ZNF341: variants seen among roughly 807,000 people sequenced by gnomAD.
The protein encoded by ZNF341 is zinc finger protein 341.
ZNF341 carries 52 observed loss-of-function variants against 87.7 expected under a neutral mutation model. The ratio of observed to expected loss-of-function variants is 0.59; its 90% CI spans 0.47 to 0.75. ZNF341 has a LOEUF of 0.75. ZNF341 is among the 30% of genes least tolerant of loss of function. The probability of loss-of-function intolerance (pLI) is 0.00; values close to 1 mark genes in which losing one functional copy is unlikely to be tolerated. For synonymous variants in ZNF341, 459 were observed against 472.7 expected (o/e 0.97, Z 0.38); for missense variants, 977 against 1,145.9 (o/e 0.85, Z 2.13).
chr20:33,781,243 T>C (rs749154429), intron 10 of ZNF341, 48 bp from the exon 11 acceptor site: 1 of 1,500,238 alleles, frequency 6.7e-7, no homozygotes. Flanking sequence ...CGCTGCTTCC[T>C]ATGCCTGCTG....
intron 9 of ZNF341, among the ~76,000 whole-genome samples, chr20:33,768,582 C>T (rs947085389): frequency 6.6e-6 from 1 of 151,886 alleles, no homozygotes; most frequent in African/African-American, 2.4e-5. Flanking sequence ...ACCACTACAC[C>T]TGGCTAATTT....
rs189685452 is a variant in ZNF341, at chr20:33,746,119, C to T, written c.339+820C>T. Among the ~76,000 whole-genome samples the T allele has an allele frequency of 3.4e-3, 514 of 149,000 alleles. 4 individuals are homozygous for T. Among genetic ancestry groups the T allele is most frequent in the African/African-American group, 9.4e-3 (379 of 40,422 alleles). On this transcript the variant is annotated intron_variant, in intron 3 of 14. Coordinates refer to ENST00000375200, the MANE Select transcript of ZNF341 (RefSeq NM_001282933.2). ...CTGATTTTTGTATTTTTAGTAGAGA[C>T]GGGGTTTCACCATGTTAGCCAGGAT...
At chr20:33,774,117 T>TAAAAAAAAAAAAAAA (rs60445142) in intron 10 of ZNF341, among the ~76,000 whole-genome samples, 1 of 100,092 alleles carries the variant, frequency 1.0e-5, no homozygotes, top group Non-Finnish European at 1.9e-5. Context: ...CTGTCTCTAC[T>TAAAAAAAAAAAAAAA]AAAAAAAAAA....
chr20:33,789,920 A>G (rs992945015), intron 14 of ZNF341, among the ~76,000 whole-genome samples: 1 of 152,034 alleles, frequency 6.6e-6, no homozygotes, highest in African/African-American at 2.4e-5. Flanking sequence ...CATGGCCAGG[A>G]AGCTTCTTTG....
intron 1 of ZNF341, among the ~76,000 whole-genome samples, chr20:33,738,886 G>T (rs1017456353): frequency 6.6e-6 from 1 of 152,230 alleles, no homozygotes; most frequent in Admixed American, 6.5e-5. Context: ...CGCTGGCAGC[G>T]TCAGGAGGGA....
Position 33,788,858 on chromosome 20 carries a change from T to C in ZNF341, c.1853-5T>C, listed in dbSNP as rs200199641. 1.4e-4 allele frequency: 230 copies of C among 1,613,306 alleles called. 2 individuals are homozygous for C. The East Asian group carries it at 3.8e-3, about 26-fold the overall frequency. ...GCTGGCTCTCCCTGTCTGTGTCTGC[T>C]GCAGGTGAGAAGCCCTACAAATGCT... is the stretch of plus-strand genomic sequence containing the variant. On this transcript the variant is annotated splice_region_variant and splice_polypyrimidine_tract_variant and intron_variant, in intron 12 of 14. Coordinates refer to ENST00000375200, the MANE Select transcript of ZNF341 (RefSeq NM_001282933.2).
Position 33,749,056 on chromosome 20 carries a change from G to GC in ZNF341, c.479dup (p.Pro161ThrfsTer134). 1 of 1,613,718 alleles carries GC rather than the reference G, an allele frequency of 6.2e-7. No individual in the cohort carries two copies. On this transcript the variant is annotated frameshift_variant, in exon 4 of 15. Transcript: ENST00000375200. LOFTEE classifies it high-confidence loss of function. ...TCCCTGGACCAGCCCATGCCCCAGG[G>GC]CCCCCCACCTGTGCAGGTAAGAAGG...
intron 12 of ZNF341, among the ~76,000 whole-genome samples, chr20:33,786,560 G>A (rs1243188574): frequency 6.6e-6 from 1 of 152,090 alleles, no homozygotes; most frequent in Non-Finnish European, 1.5e-5. Flanking sequence ...AGCTTAAGAT[G>A]GTCAATTTTC....
chr20:33,757,344 G>A lies in ZNF341; in HGVS notation c.937+1G>A. On this transcript the variant is annotated splice_donor_variant, in intron 6 of 14. Coordinates refer to ENST00000375200, the MANE Select transcript of ZNF341 (RefSeq NM_001282933.2). LOFTEE classifies it high-confidence loss of function. ...AAAGGTGCCAGGGGACTCCCGGAAG[G>A]TGGGCCCCCAGCCTGCCATGGGCAT... The A allele has an allele frequency of 6.8e-7, 1 of 1,478,606 alleles. No homozygotes were observed. Among genetic ancestry groups the A allele is most frequent in the Non-Finnish European group, 9.0e-7 (1 of 1,109,554 alleles). 91.6% of individuals were successfully genotyped at this position (1,478,606 alleles called of 1,614,324 possible). A position where few individuals can be genotyped will look rare whatever the true frequency, so the allele number is the denominator to read the frequency against.
At chr20:33,767,627 G>A (rs570256302) in intron 9 of ZNF341, among the ~76,000 whole-genome samples, 1 of 152,246 alleles carries the variant, frequency 6.6e-6, no homozygotes, top group African/African-American at 2.4e-5. Context: ...GCCAAAAGGG[G>A]TTATCTCTTC....
At chr20:33,787,273 T>A (rs1462017312) in intron 12 of ZNF341, 1 of 152,084 alleles carries the variant, frequency 6.6e-6, no homozygotes, top group Non-Finnish European at 1.5e-5. Context: ...AGGGATTATA[T>A]TTTTTTCTAA....
At chr20:33,789,371 G>T in intron 13 of ZNF341, 147 bp from the exon 14 acceptor site, 1 of 768,820 alleles carries the variant, frequency 1.3e-6, no homozygotes, top group Non-Finnish European at 2.3e-6. Context: ...CCTGTCCTGG[G>T]CCCTGCCTGC....
chr20:33,762,253 C>T (rs1027178547), intron 8 of ZNF341, among the ~76,000 whole-genome samples, 198 bp downstream of exon 8: 6 of 152,038 alleles, frequency 3.9e-5, no homozygotes, highest in African/African-American at 1.4e-4. Flanking sequence ...AATACTGTAC[C>T]CATGGCAGAC....
chr20:33,732,623 C>T lies in ZNF341; in HGVS notation c.31+571C>T, dbSNP rs1477592486. Among the ~76,000 whole-genome samples, 3 of 152,222 alleles carry T rather than the reference C, an allele frequency of 2.0e-5. No individual in the cohort carries two copies. The highest frequency in any genetic ancestry group is 1.5e-5 in the Non-Finnish European group (1 of 68,030). ...CAGCAAACACCTGGCGCCTGCAGTG[C>T]GCACCGTGGCCGGTGCAGTTTTACA... On this transcript the variant is annotated intron_variant, in intron 1 of 14. Transcript: ENST00000375200. The surrounding 1 kb of genome is among the most constrained non-coding windows in gnomAD (Gnocchi z 4.5).
intron 5 of ZNF341, among the ~76,000 whole-genome samples, chr20:33,754,977 C>T (rs1386175311): frequency 6.6e-6 from 1 of 152,212 alleles, no homozygotes; most frequent in African/African-American, 2.4e-5. Flanking sequence ...GAGTCTCACT[C>T]TATCGCCCAG....
At chr20:33,746,635 T>C (rs530989166) in intron 3 of ZNF341, among the ~76,000 whole-genome samples, 4 of 151,938 alleles carry the variant, frequency 2.6e-5, no homozygotes, top group Admixed American at 2.0e-4. Flanking sequence ...GGACAGAGAA[T>C]AGGTTTTGAG....
chr20:33,782,042 A>G (rs1049227181), intron 11 of ZNF341, among the ~76,000 whole-genome samples: 4 of 152,092 alleles, frequency 2.6e-5, no homozygotes, highest in African/African-American at 9.7e-5. Context: ...TCTTGGCCTC[A>G]AGTGATCCTC....
At chr20:33,767,117 G>C in intron 9 of ZNF341, 76 bp downstream of exon 9, 1 of 1,506,046 alleles carries the variant, frequency 6.6e-7, no homozygotes, top group Non-Finnish European at 9.0e-7. Context: ...CTTGAATGCT[G>C]CCTAGAAAGG....
intron 3 of ZNF341, among the ~76,000 whole-genome samples, chr20:33,748,383 A>G (rs931094924): frequency 6.6e-6 from 1 of 152,032 alleles, no homozygotes; most frequent in Non-Finnish European, 1.5e-5. Context: ...ACAAGGAAGT[A>G]TTATTACTGA....
Sources: gnomAD v4.1 joint callset for allele counts (sites outside exome capture counted in the v4.1 genomes callset) on GRCh38, gnomAD v4.1.1 for gene constraint, Gnocchi (gnomAD v3.1) non-coding constraint, MANE v1.5 for transcripts, NCBI Gene and HGNC (gene_info 2026-07-23, HGNC 2026-07-21) for gene names.